Variants in COLGALT2 observed in about 807,000 individuals in gnomAD.
COLGALT2 encodes the protein procollagen galactosyltransferase 2.
Under a neutral mutation model 73.4 loss-of-function variants are expected in COLGALT2, and 49 were observed. That is an observed-to-expected ratio of 0.67 (90% CI 0.53 to 0.85). The LOEUF (loss-of-function observed/expected upper bound fraction) is 0.85, where lower values mean the gene tolerates loss of function less well. Among genes scored for constraint, COLGALT2 ranks in the 40% least tolerant of loss-of-function variants. The pLI is 0.00. For missense variants in COLGALT2, 722 were observed against 790.2 expected, an observed-to-expected ratio of 0.91 and a Z score of 1.03; for synonymous variants, 295 against 307.6, an observed-to-expected ratio of 0.96 and a Z score of 0.43.
chr1:183,977,111 T>C (rs1424078749), intron 2 of COLGALT2, among the ~76,000 whole-genome samples: 2 of 152,210 alleles, frequency 1.3e-5, no homozygotes, highest in Non-Finnish European at 2.9e-5. Context: ...CCATTTCATT[T>C]GTATTTGAGG....
chr1:184,003,885 C>T lies in COLGALT2; in HGVS notation c.264-25365G>A, dbSNP rs1671996654. Among the ~76,000 whole-genome samples the T allele has an allele frequency of 3.3e-5, 5 of 152,252 alleles. No homozygotes were observed. In the South Asian group the frequency reaches 1.0e-3, roughly 32 times the overall value. ...TAACACGACTCTGAAAGCCCAAATC[C>T]CCACTGAGCACATGTGAAAAAGTCC... On this transcript the variant is annotated intron_variant, in intron 1 of 11. Coordinates refer to ENST00000361927, the MANE Select transcript of COLGALT2 (RefSeq NM_015101.4).
chr1:183,947,954 C>G (rs911306614), intron 8 of COLGALT2, among the ~76,000 whole-genome samples: 1 of 151,948 alleles, frequency 6.6e-6, no homozygotes, highest in African/African-American at 2.4e-5. Context: ...TATGATAATA[C>G]TATGAACAAT....
At chr1:183,979,348 C>T (rs1671288066) in intron 1 of COLGALT2, among the ~76,000 whole-genome samples, 1 of 151,998 alleles carries the variant, frequency 6.6e-6, no homozygotes, top group African/African-American at 2.4e-5. Context: ...GAGTTGTAAT[C>T]CTGACAACAA....
chr1:184,019,193 T>C (rs1649098291), intron 1 of COLGALT2, among the ~76,000 whole-genome samples: 1 of 152,138 alleles, frequency 6.6e-6, no homozygotes, highest in African/African-American at 2.4e-5. Context: ...TCCACTGAGG[T>C]GAAAAGCAGT....
rs796381170 is a variant in COLGALT2, at chr1:184,027,258, T to C, written c.263+9837A>G. On this transcript the variant is annotated intron_variant, in intron 1 of 11. Coordinates refer to ENST00000361927, the MANE Select transcript of COLGALT2 (RefSeq NM_015101.4). ...TAGAATATTCCAGAGTATGCCAACT[T>C]TCCAAACTCTGAAAATCCCATGATC... Among the ~76,000 whole-genome samples, 6 of 152,314 alleles carry C rather than the reference T, an allele frequency of 3.9e-5. 1 individual carries two copies. Among genetic ancestry groups the C allele is most frequent in the African/African-American group, 1.4e-4 (6 of 41,574 alleles).
chr1:183,962,781 C>A (rs1217875827), intron 6 of COLGALT2, among the ~76,000 whole-genome samples: 1 of 152,198 alleles, frequency 6.6e-6, no homozygotes, highest in African/African-American at 2.4e-5. Context: ...GCATGCTCCA[C>A]CTACACTTTT....
chr1:183,956,935 T>C (rs2102800905), intron 6 of COLGALT2, among the ~76,000 whole-genome samples: 1 of 152,310 alleles, frequency 6.6e-6, no homozygotes, highest in Admixed American at 6.5e-5. Context: ...ACTTGAAGGT[T>C]AGGTATATCC....
rs573527255 is a variant in COLGALT2, at chr1:183,939,109, A to G, written c.1605-72T>C. ...CTTACGGAACAGGGACAAAGAGTGA[A>G]GGAGGCCTCCTGGTTACCTCATGAG... On this transcript the variant is annotated intron_variant, in intron 11 of 11. Transcript: ENST00000361927. 2.1e-5 allele frequency: 24 copies of G among 1,131,186 alleles called. No individual in the cohort carries two copies. In the Admixed American group the frequency reaches 4.2e-4, roughly 20 times the overall value. 70.1% of individuals were successfully genotyped at this position (1,131,186 alleles called of 1,614,324 possible). A position where few individuals can be genotyped will look rare whatever the true frequency, so the allele number is the denominator to read the frequency against.
Position 184,035,844 on chromosome 1 carries a change from C to T in COLGALT2, c.263+1251G>A, listed in dbSNP as rs116003109. 2.5e-3 allele frequency among the ~76,000 whole-genome samples: 377 copies of T among 152,314 alleles called. 1 individual carries two copies. The highest frequency in any genetic ancestry group is 8.2e-3 in the African/African-American group (341 of 41,566). On this transcript the variant is annotated intron_variant, in intron 1 of 11. Transcript: ENST00000361927. Reference sequence around the variant, plus strand: ...GTGCTCTCTTTCCACATAATATGCCCTTCTCCGCCAGGCGGTCACGTATGG... The same window carrying T: ...GTGCTCTCTTTCCACATAATATGCCTTTCTCCGCCAGGCGGTCACGTATGG...
chr1:183,973,143 A>G (rs538405150), intron 4 of COLGALT2, among the ~76,000 whole-genome samples: 4 of 152,340 alleles, frequency 2.6e-5, no homozygotes, highest in Non-Finnish European at 4.4e-5. Flanking sequence ...AACCGAGATA[A>G]AGGTTAAGTA....
At chr1:183,965,628 G>C (rs1187591274) in intron 5 of COLGALT2, among the ~76,000 whole-genome samples, 1 of 152,180 alleles carries the variant, frequency 6.6e-6, no homozygotes, top group Admixed American at 6.5e-5. Flanking sequence ...GAATATATTA[G>C]AAAGCTCCAG....
downstream of COLGALT2, among the ~76,000 whole-genome samples, chr1:183,933,804 T>TAA (rs1024247497): frequency 3.3e-5 from 5 of 152,196 alleles, no homozygotes; most frequent in African/African-American, 1.2e-4. Context: ...GTAAGTTTAC[T>TAA]AAAGCACCTG....
intron 10 of COLGALT2, 134 bp downstream of exon 10, chr1:183,944,062 A>ATT (rs1670183629): frequency 1.2e-5 from 13 of 1,090,016 alleles, no homozygotes; most frequent in South Asian, 5.8e-5. Context: ...TTCTGAGAAC[A>ATT]TTTATGGAAA....
At chr1:183,997,803 T>A (rs1364458155) in intron 1 of COLGALT2, among the ~76,000 whole-genome samples, 1 of 152,244 alleles carries the variant, frequency 6.6e-6, no homozygotes, top group Non-Finnish European at 1.5e-5. Flanking sequence ...GGCTTAACAC[T>A]GACTTAAAAC....
chr1:184,011,030 G>T (rs1672220762), intron 1 of COLGALT2, among the ~76,000 whole-genome samples: 1 of 152,190 alleles, frequency 6.6e-6, no homozygotes, highest in Admixed American at 6.5e-5. Context: ...GAGGGACTCT[G>T]AATGGGGAGG....
intron 1 of COLGALT2, among the ~76,000 whole-genome samples, chr1:183,985,389 T>A (rs933518129): frequency 2.0e-5 from 3 of 152,158 alleles, no homozygotes; most frequent in African/African-American, 4.8e-5. Flanking sequence ...TGCCCTGCCT[T>A]AGCCTTCTAA....
intron 6 of COLGALT2, among the ~76,000 whole-genome samples, chr1:183,960,369 A>G (rs17504733): frequency 0.2 from 29,951 of 152,180 alleles, 3,190 homozygotes; most frequent in Non-Finnish European, 0.21. Context: ...CTTGTACCCA[A>G]GCTTAGCCTA....
downstream of COLGALT2, among the ~76,000 whole-genome samples, chr1:183,931,686 C>T (rs150632726): frequency 1.3e-5 from 2 of 151,814 alleles, no homozygotes; most frequent in Non-Finnish European, 2.9e-5. Context: ...ACACAGGCTT[C>T]TCAGAAGAAA....
chr1:183,983,413 C>T (rs1459975711), intron 1 of COLGALT2, among the ~76,000 whole-genome samples: 2 of 152,252 alleles, frequency 1.3e-5, no homozygotes, highest in East Asian at 3.8e-4. Flanking sequence ...CTTCTAACTA[C>T]TGCCTTGTAA....
Sources: gnomAD v4.1 joint callset for allele counts (sites outside exome capture counted in the v4.1 genomes callset) on GRCh38, gnomAD v4.1.1 for gene constraint, MANE v1.5 for transcripts, NCBI Gene and HGNC (gene_info 2026-07-23, HGNC 2026-07-21) for gene names.